DOCK3: variants seen among roughly 807,000 people sequenced by gnomAD.
DOCK3 encodes the protein dedicator of cytokinesis protein 3.
Under a neutral mutation model 265.6 loss-of-function variants are expected in DOCK3, and 60 were observed. The observed-to-expected ratio is 0.23, with a 90% confidence interval of 0.18 to 0.28. The LOEUF (loss-of-function observed/expected upper bound fraction) is 0.28, where lower values mean the gene tolerates loss of function less well. DOCK3 is among the 10% of genes least tolerant of loss of function. The pLI, the probability that DOCK3 is intolerant of heterozygous loss-of-function variation, is 1.00. For synonymous variants in DOCK3, 881 were observed against 938.0 expected (o/e 0.94, Z 1.11); for missense variants, 1,981 against 2,594.3 (o/e 0.76, Z 5.14).
At chr3:50,937,371 T>G (rs1183462503) in intron 5 of DOCK3, among the ~76,000 whole-genome samples, 2 of 151,600 alleles carry the variant, frequency 1.3e-5, no homozygotes. Flanking sequence ...ATTAAAACAT[T>G]CGGCTGGGCA....
intron 2 of DOCK3, among the ~76,000 whole-genome samples, chr3:50,819,073 G>GGTGC: frequency 6.6e-6 from 1 of 152,280 alleles, no homozygotes; most frequent in Admixed American, 6.5e-5. Flanking sequence ...GATCCAAACT[G>GGTGC]CATGAGTTTG....
chr3:51,249,161 GCCCCCC>G (rs2079021624), intron 22 of DOCK3, among the ~76,000 whole-genome samples: 1 of 118,056 alleles, frequency 8.5e-6, no homozygotes, highest in Non-Finnish European at 1.8e-5. Flanking sequence ...GGGGGGGTCA[GCCCCCC>G]GCCAGGCCAG....
intron 4 of DOCK3, among the ~76,000 whole-genome samples, chr3:50,902,957 G>A (rs1255100878): frequency 6.6e-6 from 1 of 152,150 alleles, no homozygotes; most frequent in Non-Finnish European, 1.5e-5. Flanking sequence ...GTTCATTCAT[G>A]ATTTGGCCCT....
intron 49 of DOCK3, among the ~76,000 whole-genome samples, chr3:51,363,336 G>A (rs560273682): frequency 6.6e-6 from 1 of 152,336 alleles, no homozygotes; most frequent in African/African-American, 2.4e-5. Flanking sequence ...GTGGTACATA[G>A]GATCTAGTGC....
At chr3:50,752,345 C>T (rs1203387124) in intron 1 of DOCK3, among the ~76,000 whole-genome samples, 3 of 151,944 alleles carry the variant, frequency 2.0e-5, no homozygotes, top group Non-Finnish European at 2.9e-5. Context: ...CCCATCTCTA[C>T]TAAAAATTAA....
At chr3:51,115,487 G>A (rs1395520484) in intron 9 of DOCK3, among the ~76,000 whole-genome samples, 1 of 151,900 alleles carries the variant, frequency 6.6e-6, no homozygotes, top group Non-Finnish European at 1.5e-5. Flanking sequence ...TTTTTGATGG[G>A]GTTGTTTGTT....
At chr3:51,256,594 T>TC (rs2108724281) in intron 22 of DOCK3, among the ~76,000 whole-genome samples, 1 of 95,484 alleles carries the variant, frequency 1.0e-5, no homozygotes, top group East Asian at 4.2e-4. Flanking sequence ...TTCGTTTTTG[T>TC]TTTTTTTTTT....
intron 5 of DOCK3, among the ~76,000 whole-genome samples, chr3:51,029,843 A>G (rs773374463): frequency 8.5e-5 from 13 of 152,152 alleles, no homozygotes; most frequent in Non-Finnish European, 1.3e-4. Context: ...CACAGCTAGC[A>G]TGGCACCTGC....
chr3:51,303,863 C>T (rs1002926920), intron 27 of DOCK3, among the ~76,000 whole-genome samples: 4 of 152,184 alleles, frequency 2.6e-5, no homozygotes, highest in Non-Finnish European at 5.9e-5. Context: ...GTCTGGCAAC[C>T]CTTATTGGAG....
At chr3:51,370,550 C>G (rs774275594) in intron 49 of DOCK3, among the ~76,000 whole-genome samples, 1 of 152,196 alleles carries the variant, frequency 6.6e-6, no homozygotes, top group Non-Finnish European at 1.5e-5. Context: ...TCCTTCCAGC[C>G]GTTGACTGAT....
intron 3 of DOCK3, among the ~76,000 whole-genome samples, chr3:50,866,774 G>A (rs1019935896): frequency 6.6e-6 from 1 of 150,974 alleles, no homozygotes; most frequent in African/African-American, 2.4e-5. Context: ...TCTCTATTGT[G>A]TTCCTTTGGT....
At chr3:51,215,030 A>G (rs1175645553) in intron 14 of DOCK3, among the ~76,000 whole-genome samples, 1 of 152,164 alleles carries the variant, frequency 6.6e-6, no homozygotes, top group Middle Eastern at 3.2e-3. Flanking sequence ...GAAGATGCAA[A>G]TAAGGAAAAG....
chr3:50,730,384 A>G (rs1004904110), intron 1 of DOCK3, among the ~76,000 whole-genome samples: 17 of 152,086 alleles, frequency 1.1e-4, no homozygotes, highest in Non-Finnish European at 2.5e-4. Flanking sequence ...CTCAAGTGAT[A>G]CACCCATCTT....
intron 9 of DOCK3, among the ~76,000 whole-genome samples, chr3:51,112,377 A>G (rs2083558228): frequency 6.6e-6 from 1 of 152,222 alleles, no homozygotes; most frequent in African/African-American, 2.4e-5. Flanking sequence ...GTAAAGTTCA[A>G]GAATAGGCAA....
intron 27 of DOCK3, among the ~76,000 whole-genome samples, chr3:51,296,479 GT>G (rs758797081): frequency 1.6e-3 from 228 of 140,648 alleles, no homozygotes; most frequent in East Asian, 6.4e-3. Flanking sequence ...ACTTAAATTG[GT>G]TTTTTTTTTT....
intron 2 of DOCK3, among the ~76,000 whole-genome samples, chr3:50,800,245 A>T (rs2043002457): frequency 6.6e-6 from 1 of 152,164 alleles, no homozygotes; most frequent in Non-Finnish European, 1.5e-5. Flanking sequence ...CAACATTTTG[A>T]AGTAGTTTGA....
intron 5 of DOCK3, among the ~76,000 whole-genome samples, chr3:51,059,455 C>CCACACACACA (rs57596003): frequency 2.8e-5 from 4 of 140,626 alleles, no homozygotes; most frequent in Non-Finnish European, 6.2e-5. Context: ...AGAAAAAAAA[C>CCACACACACA]CACACACACA....
intron 4 of DOCK3, among the ~76,000 whole-genome samples, chr3:50,922,322 A>G (rs2108045916): frequency 6.6e-6 from 1 of 152,176 alleles, no homozygotes; most frequent in South Asian, 2.1e-4. Context: ...GCTAGCAGTG[A>G]TCGAGGCTCC....
intron 9 of DOCK3, among the ~76,000 whole-genome samples, chr3:51,144,542 A>C (rs1214400865): frequency 2.0e-5 from 3 of 152,046 alleles, no homozygotes; most frequent in Non-Finnish European, 4.4e-5. Context: ...CGTTTCTTAG[A>C]TGTCATTGTC....
Sources: gnomAD v4.1 joint callset for allele counts (sites outside exome capture counted in the v4.1 genomes callset) on GRCh38, gnomAD v4.1.1 for gene constraint, MANE v1.5 for transcripts, NCBI Gene and HGNC (gene_info 2026-07-23, HGNC 2026-07-21) for gene names.